LIPM: variants seen among roughly 807,000 people sequenced by gnomAD.
LIPM encodes lipase family member M, also known as lipase member M.
A neutral mutation model predicts 42.4 loss-of-function variants in LIPM; 42 were observed. The ratio of observed to expected loss-of-function variants is 0.99; its 90% CI spans 0.77 to 1.28. The LOEUF (loss-of-function observed/expected upper bound fraction) is 1.28. Among genes scored for constraint, LIPM ranks in the 50% most tolerant of loss-of-function variants. The pLI, the probability that LIPM is intolerant of heterozygous loss-of-function variation, is 0.00. For missense variants in LIPM, 524 were observed against 520.1 expected (o/e 1.01, Z -0.07); for synonymous variants, 177 against 173.3 (o/e 1.02, Z -0.17).
Position 88,820,285 on chromosome 10 carries a change from G to T in LIPM, c.1056G>T (p.Trp352Cys). ...ATATGACGGTCCCTACAGCAATGTGGACAGGAGGTCAGGACTGGCTTTCAA... is the reference window on the plus strand; with the variant it reads ...ATATGACGGTCCCTACAGCAATGTGTACAGGAGGTCAGGACTGGCTTTCAA... ...VRDMTVPTAM[W>C]TGGQDWLSNP... The change falls in exon 9 of 9, where the codon TGG (tryptophan) becomes TGT (cysteine). Residue 352 changes from tryptophan to cysteine, a missense_variant. By Grantham distance (215) the Trp-to-Cys change is radical. Transcript: ENST00000404743. The T allele has an allele frequency of 6.4e-7, 1 of 1,551,998 alleles. No individual in the cohort carries two copies. Among genetic ancestry groups the T allele is most frequent in the Non-Finnish European group, 8.7e-7 (1 of 1,147,066 alleles).
intron 8 of LIPM, among the ~76,000 whole-genome samples, chr10:88,819,592 A>C (rs942410324): frequency 1.3e-5 from 2 of 152,220 alleles, no homozygotes; most frequent in African/African-American, 2.4e-5. Flanking sequence ...CTAACACTGC[A>C]TAAATACGGA....
intron 1 of LIPM, among the ~76,000 whole-genome samples, chr10:88,807,188 T>C (rs1408952295): frequency 6.6e-6 from 1 of 152,198 alleles, no homozygotes; most frequent in Non-Finnish European, 1.5e-5. Context: ...AACAGTCCCA[T>C]GGAGTATGAA....
chr10:88,811,453 T>C (rs1293114290), intron 2 of LIPM, among the ~76,000 whole-genome samples: 1 of 152,212 alleles, frequency 6.6e-6, no homozygotes, highest in African/African-American at 2.4e-5. Context: ...ACAAGTCCTG[T>C]TGAGGGCATG....
chr10:88,805,856 G>A (rs1843579989), intron 1 of LIPM: 2 of 411,466 alleles, frequency 4.9e-6, no homozygotes. Flanking sequence ...AGGAAGTAGA[G>A]AATCAGGAGT....
chr10:88,818,487 T>C (rs1310724934), intron 8 of LIPM, among the ~76,000 whole-genome samples: 1 of 152,202 alleles, frequency 6.6e-6, no homozygotes, highest in Non-Finnish European at 1.5e-5. Context: ...TGTTATTACA[T>C]TACCCAAGAA....
intron 8 of LIPM, among the ~76,000 whole-genome samples, chr10:88,819,634 A>G (rs1192260125): frequency 6.6e-6 from 1 of 152,232 alleles, no homozygotes; most frequent in Non-Finnish European, 1.5e-5. Context: ...ACTAATTGGT[A>G]TATTTGGTGG....
chr10:88,817,073 AG>A (rs1843726584), intron 7 of LIPM, among the ~76,000 whole-genome samples, 186 bp downstream of exon 7: 1 of 152,240 alleles, frequency 6.6e-6, no homozygotes, highest in African/African-American at 2.4e-5. Flanking sequence ...AGAAATGGGA[AG>A]AAAGGACAGA....
chr10:88,813,187 T>C lies in LIPM; in HGVS notation c.356T>C (p.Ile119Thr), dbSNP rs1266156401. 4.3e-6 allele frequency: 7 copies of C among 1,613,784 alleles called. No homozygotes were observed. The highest frequency in any genetic ancestry group is 1.7e-6 in the Non-Finnish European group (2 of 1,179,836). ...SNLPNNSLGF[I>T]LADAGFDVWM... is the part of the protein sequence containing the mutation. ...CTGCCCAACAATAGCCTGGGCTTCATTCTGGCAGATGCTGGTTTTGACGTG... is the reference window on the plus strand; with the variant it reads ...CTGCCCAACAATAGCCTGGGCTTCACTCTGGCAGATGCTGGTTTTGACGTG... Residue 119 changes from isoleucine to threonine, a missense_variant, in exon 3 of 9, where the codon ATT becomes ACT. Physicochemically the swap from Ile to Thr is moderately conservative, Grantham distance 89. Transcript: ENST00000404743.
At chr10:88,818,472 A>T (rs1843744747) in intron 8 of LIPM, among the ~76,000 whole-genome samples, 1 of 152,244 alleles carries the variant, frequency 6.6e-6, no homozygotes, top group Non-Finnish European at 1.5e-5. Flanking sequence ...TACATTTTTT[A>T]AAAATGTTAT....
intron 2 of LIPM, among the ~76,000 whole-genome samples, chr10:88,810,131 G>T (rs1843636432): frequency 6.6e-6 from 1 of 152,146 alleles, no homozygotes; most frequent in Admixed American, 6.5e-5. Context: ...CATTTGTTTT[G>T]CTCAAGGCTA....
rs956711671 is a variant in LIPM, at chr10:88,820,221, C to T, written c.1003-11C>T. 30 of 1,543,530 alleles carry T rather than the reference C, an allele frequency of 1.9e-5. No individual in the cohort carries two copies. The highest frequency in any genetic ancestry group is 4.1e-5 in the African/African-American group (3 of 72,836). On this transcript the variant is annotated splice_polypyrimidine_tract_variant and intron_variant, in intron 8 of 8. Transcript: ENST00000404743. ...TGTTACCTAGAGTTAAGAACTATTC[C>T]TTTTCTCTAGCCAACTCCTGTAAGG...
At chr10:88,808,258 C>T (rs377077947) in intron 1 of LIPM, 40 bp from the exon 2 acceptor site, 256 of 1,145,320 alleles carry the variant, frequency 2.2e-4, no homozygotes, top group Non-Finnish European at 3.0e-4. Context: ...AATATGGCCA[C>T]AGAGAACTGA....
chr10:88,803,653 A>G (rs1398305203), intron 1 of LIPM, among the ~76,000 whole-genome samples: 5 of 142,684 alleles, frequency 3.5e-5, no homozygotes, highest in Non-Finnish European at 4.5e-5. Flanking sequence ...AGCTTTTCAA[A>G]TTCTAAGCTG....
chr10:88,814,501 TC>T (rs1373758344), intron 3 of LIPM, 28 bp from the exon 4 acceptor site: 3 of 1,450,716 alleles, frequency 2.1e-6, no homozygotes, highest in Non-Finnish European at 1.9e-6. Context: ...TTATAATTTT[TC>T]ATATAACTTT....
chr10:88,803,582 C>T (rs1249282319), intron 1 of LIPM, among the ~76,000 whole-genome samples: 1 of 149,444 alleles, frequency 6.7e-6, no homozygotes, highest in African/African-American at 2.5e-5. Context: ...AAGTAAAATG[C>T]ATAAATGACA....
intron 2 of LIPM, among the ~76,000 whole-genome samples, chr10:88,810,734 A>G (rs1036659941): frequency 1.3e-5 from 2 of 152,166 alleles, no homozygotes; most frequent in African/African-American, 2.4e-5. Context: ...CTGGGTGTAA[A>G]TTAAATAGAA....
chr10:88,811,418 G>A (rs1033146100), intron 2 of LIPM, among the ~76,000 whole-genome samples: 1 of 152,140 alleles, frequency 6.6e-6, no homozygotes, highest in Non-Finnish European at 1.5e-5. Flanking sequence ...TGTGGATATT[G>A]CATTCATGAT....
At chr10:88,814,174 A>G (rs1285829190) in intron 3 of LIPM, among the ~76,000 whole-genome samples, 1 of 152,226 alleles carries the variant, frequency 6.6e-6, no homozygotes, top group African/African-American at 2.4e-5. Flanking sequence ...CCACTTCAGC[A>G]TCTTTACAAC....
At chr10:88,818,520 C>T (rs1200683276) in intron 8 of LIPM, among the ~76,000 whole-genome samples, 1 of 152,154 alleles carries the variant, frequency 6.6e-6, no homozygotes, top group Non-Finnish European at 1.5e-5. Flanking sequence ...ATGCTATGAA[C>T]TAAAATTAGA....
Sources: gnomAD v4.1 joint callset for allele counts (sites outside exome capture counted in the v4.1 genomes callset) on GRCh38, gnomAD v4.1.1 for gene constraint, MANE v1.5 for transcripts, NCBI Gene and HGNC (gene_info 2026-07-23, HGNC 2026-07-21) for gene names.